The following ARHGAP12 variants were observed in gnomAD, a reference collection of about 807,000 sequenced individuals.
ARHGAP12 encodes the protein Rho GTPase activating protein 12.
A neutral mutation model predicts 108.6 loss-of-function variants in ARHGAP12; 64 were observed. The ratio of observed to expected loss-of-function variants is 0.59; its 90% CI spans 0.48 to 0.73. The LOEUF is 0.73. ARHGAP12 is among the 30% of genes least tolerant of loss of function. The pLI, the probability that ARHGAP12 is intolerant of heterozygous loss-of-function variation, is 0.00. For missense variants in ARHGAP12, 940 were observed against 1,005.9 expected, an observed-to-expected ratio of 0.93 and a Z score of 0.89; for synonymous variants, 312 against 337.2, an observed-to-expected ratio of 0.93 and a Z score of 0.82.
chr10:31,898,657 C>T (rs1838803324), intron 3 of ARHGAP12, among the ~76,000 whole-genome samples: 1 of 152,142 alleles, frequency 6.6e-6, no homozygotes, highest in Non-Finnish European at 1.5e-5. Context: ...TTTGCTGTAC[C>T]TTTTCTATGT....
intron 9 of ARHGAP12, among the ~76,000 whole-genome samples, chr10:31,835,212 A>G (rs567239607): frequency 1.6e-4 from 24 of 150,380 alleles, no homozygotes; most frequent in African/African-American, 5.6e-4. Context: ...GAAAAAAAAA[A>G]AAAAAGAAAA....
chr10:31,885,087 A>T (rs572101058), intron 3 of ARHGAP12, among the ~76,000 whole-genome samples: 1 of 152,072 alleles, frequency 6.6e-6, no homozygotes, highest in African/African-American at 2.4e-5. Context: ...AAAATTGACA[A>T]TTTTCTTTAA....
intron 3 of ARHGAP12, among the ~76,000 whole-genome samples, chr10:31,862,011 A>C (rs1437850612): frequency 1.3e-5 from 2 of 152,206 alleles, no homozygotes; most frequent in Non-Finnish European, 2.9e-5. Flanking sequence ...ATCTCAAGAA[A>C]TGAGGGAATT....
intron 1 of ARHGAP12, among the ~76,000 whole-genome samples, chr10:31,921,182 G>A (rs756753828): frequency 1.3e-5 from 2 of 152,054 alleles, no homozygotes; most frequent in Admixed American, 1.3e-4. Flanking sequence ...GCTACTAAGG[G>A]AGGCTGAGGT....
chr10:31,880,328 C>T (rs1473924902), intron 3 of ARHGAP12, among the ~76,000 whole-genome samples: 1 of 152,042 alleles, frequency 6.6e-6, no homozygotes, highest in Non-Finnish European at 1.5e-5. Flanking sequence ...TTTCATTTTG[C>T]CCAGGTGCAA....
At chr10:31,842,030 G>A (rs1048955666) in intron 7 of ARHGAP12, among the ~76,000 whole-genome samples, 1 of 152,018 alleles carries the variant, frequency 6.6e-6, no homozygotes, top group African/African-American at 2.4e-5. Context: ...TGAGATGAAA[G>A]CATGCAAGTT....
intron 4 of ARHGAP12, among the ~76,000 whole-genome samples, chr10:31,854,682 A>G (rs906598788): frequency 2.0e-5 from 3 of 152,150 alleles, no homozygotes; most frequent in Non-Finnish European, 2.9e-5. Context: ...CTATTTTTCT[A>G]TAATTTGTGT....
chr10:31,807,932 A>T, intron 19 of ARHGAP12, 100 bp from the exon 20 acceptor site: 1 of 888,474 alleles, frequency 1.1e-6, no homozygotes. Flanking sequence ...TAAAAAGAGA[A>T]GTAATACTTA....
intron 1 of ARHGAP12, among the ~76,000 whole-genome samples, chr10:31,923,157 C>T (rs1206586012): frequency 8.1e-6 from 1 of 123,830 alleles, no homozygotes; most frequent in Non-Finnish European, 1.6e-5. Flanking sequence ...AAAAAACAGG[C>T]AAAATATTTA....
At position 31,903,538 on chromosome 10, in the gene ARHGAP12, C is replaced by T. The variant is rs12269316; in HGVS notation, c.684+4634G>A. 3.4e-3 allele frequency among the ~76,000 whole-genome samples: 525 copies of T among 152,228 alleles called. 6 individuals are homozygous for T. Among genetic ancestry groups the T allele is most frequent in the African/African-American group, 0.012 (495 of 41,560 alleles). On this transcript the variant is annotated intron_variant, in intron 3 of 19. Coordinates refer to ENST00000344936, the MANE Select transcript of ARHGAP12 (RefSeq NM_018287.7). ...GGAAAACGGATAAACTGGACCTCAA[C>T]AAAGTTAAAACTAGTTCTTGGACTT...
chr10:31,836,498 T>C (rs1836019836), intron 9 of ARHGAP12, among the ~76,000 whole-genome samples: 1 of 152,218 alleles, frequency 6.6e-6, no homozygotes, highest in Non-Finnish European at 1.5e-5. Flanking sequence ...GTTAACATGT[T>C]TAAAATTTAT....
intron 3 of ARHGAP12, among the ~76,000 whole-genome samples, chr10:31,890,807 C>T (rs1838395179): frequency 2.0e-5 from 3 of 152,080 alleles, no homozygotes. Flanking sequence ...ATACCTAATC[C>T]TGAATTAACC....
chr10:31,812,675 T>C (rs758075296), intron 15 of ARHGAP12, 32 bp downstream of exon 15: 3 of 1,329,652 alleles, frequency 2.3e-6, no homozygotes, highest in Non-Finnish European at 3.2e-6. Flanking sequence ...AGGCCAACAT[T>C]CATTATTATC....
At chr10:31,913,335 C>T (rs1839430031) in intron 1 of ARHGAP12, 1 of 154,958 alleles carries the variant, frequency 6.5e-6, no homozygotes. Context: ...CAAAGATAAC[C>T]CTGGCCCATT....
At chr10:31,868,111 T>C (rs1227365861) in intron 3 of ARHGAP12, among the ~76,000 whole-genome samples, 1 of 151,474 alleles carries the variant, frequency 6.6e-6, no homozygotes, top group African/African-American at 2.4e-5. Flanking sequence ...GACAGGAGAA[T>C]CACTTGAACC....
intron 1 of ARHGAP12, among the ~76,000 whole-genome samples, chr10:31,921,047 T>C (rs899052991): frequency 1.3e-5 from 2 of 151,292 alleles, no homozygotes; most frequent in Non-Finnish European, 3.0e-5. Context: ...GAGTCGGAGG[T>C]GGGAGGATCA....
chr10:31,926,265 A>T (rs1840035681), intron 1 of ARHGAP12, among the ~76,000 whole-genome samples: 1 of 152,002 alleles, frequency 6.6e-6, no homozygotes, highest in Non-Finnish European at 1.5e-5. Context: ...CATGAAGTCA[A>T]TGAAAGTAAT....
intron 3 of ARHGAP12, among the ~76,000 whole-genome samples, chr10:31,871,766 G>A (rs1308095098): frequency 6.6e-6 from 1 of 152,174 alleles, no homozygotes; most frequent in Non-Finnish European, 1.5e-5. Flanking sequence ...CTAGACGGTT[G>A]ACAGAGAAGA....
At chr10:31,917,412 TAAAAA>T (rs978351523) in intron 1 of ARHGAP12, among the ~76,000 whole-genome samples, 2 of 151,822 alleles carry the variant, frequency 1.3e-5, no homozygotes, top group Non-Finnish European at 2.9e-5. Context: ...CTCAAAAAAA[TAAAAA>T]AGAAAAGAAA....
Sources: allele counts gnomAD v4.1 joint callset (sites outside exome capture counted in the v4.1 genomes callset), GRCh38; gene constraint gnomAD v4.1.1; transcripts MANE v1.5; gene names NCBI Gene and HGNC (gene_info 2026-07-23, HGNC 2026-07-21).